The following ATP1A2 variants were observed in gnomAD, a reference collection of about 807,000 sequenced individuals.
ATP1A2 encodes the protein ATPase Na+/K+ transporting subunit alpha 2, also known as sodium/potassium-transporting ATPase subunit alpha-2.
Under a neutral mutation model 113.1 loss-of-function variants are expected in ATP1A2, and 56 were observed. That is an observed-to-expected ratio of 0.49 (90% CI 0.40 to 0.62). ATP1A2 has a LOEUF of 0.62. Among genes scored for constraint, ATP1A2 ranks in the 20% least tolerant of loss-of-function variants. The pLI is 0.00. For synonymous variants in ATP1A2, 490 were observed against 526.8 expected, an observed-to-expected ratio of 0.93 and a Z score of 0.96; for missense variants, 712 against 1,357.8, an observed-to-expected ratio of 0.52 and a Z score of 7.47.
At chr1:160,136,192 T>C in intron 17 of ATP1A2, 55 bp from the exon 18 acceptor site, 1 of 1,612,892 alleles carries the variant, frequency 6.2e-7, no homozygotes, top group East Asian at 2.2e-5. Context: ...ATTGCTTCTG[T>C]CATCTCCTAC....
intron 20 of ATP1A2, chr1:160,137,272 C>T: frequency 3.4e-6 from 2 of 584,378 alleles, no homozygotes; most frequent in Non-Finnish European, 5.9e-6. Context: ...CTCTCCCTCC[C>T]TTCTTTCCCC....
chr1:160,132,345 T>C (rs113627085), intron 13 of ATP1A2, among the ~76,000 whole-genome samples: 113 of 152,212 alleles, frequency 7.4e-4, no homozygotes, highest in African/African-American at 2.6e-3. Context: ...CAGAGAGCCA[T>C]CAGTGTCACG....
intron 19 of ATP1A2, 85 bp downstream of exon 19, chr1:160,136,800 C>G (rs1480661875): frequency 1.2e-6 from 2 of 1,613,834 alleles, no homozygotes; most frequent in Non-Finnish European, 8.5e-7. Context: ...TGGTGGCCAA[C>G]TGGGACTGGG....
At chr1:160,116,937 A>C (rs1651203728) in intron 1 of ATP1A2, among the ~76,000 whole-genome samples, 1 of 151,922 alleles carries the variant, frequency 6.6e-6, no homozygotes, top group Non-Finnish European at 1.5e-5. Context: ...GAGTGCATGC[A>C]TGTATCTGTG....
In ATP1A2 at chr1:160,139,688, C is replaced by G. The variant is rs150289737; in HGVS notation, c.2889C>G (p.Ala963=). The change falls in exon 21 of 23, where the codon GCC becomes GCG. Residue 963 remains alanine, a synonymous_variant. Transcript: ENST00000361216. ...FGLLEETALA[A]FLSYCPGMGV... ...TCCTGGAGGAGACGGCGTTGGCTGC[C>G]TTTCTCTCTTACTGCCCAGGCATGG... is the stretch of plus-strand genomic sequence containing the variant. 1 of 1,614,096 alleles carries G rather than the reference C, an allele frequency of 6.2e-7. No homozygotes were observed.
intron 4 of ATP1A2, 113 bp from the exon 5 acceptor site, chr1:160,123,826 CACAG>C: frequency 1.1e-6 from 1 of 929,694 alleles, no homozygotes; most frequent in Non-Finnish European, 1.7e-6. Context: ...CACTCTCAGT[CACAG>C]ACAAAGGTCT....
Position 160,129,491 on chromosome 1 carries a change from G to C in ATP1A2, c.1461+91G>C, listed in dbSNP as rs17846712. 56,086 of 1,577,888 alleles carry C rather than the reference G, an allele frequency of 0.036. 1,147 individuals are homozygous for C. Among genetic ancestry groups the C allele is most frequent in the Non-Finnish European group, 0.041 (47,352 of 1,161,256 alleles). On this transcript the variant is annotated intron_variant, in intron 11 of 22. Coordinates refer to ENST00000361216, the MANE Select transcript of ATP1A2 (RefSeq NM_000702.4). ...AAGGGGAATCATCACTAGCAGGAGT[G>C]GGGGTGTCTGAGGGTCATGTTCCCT...
At chr1:160,119,307 TACC>T (rs1651298910) in intron 1 of ATP1A2, among the ~76,000 whole-genome samples, 2 of 118,750 alleles carry the variant, frequency 1.7e-5, no homozygotes, top group Non-Finnish European at 3.3e-5. Flanking sequence ...CTGTGGACCC[TACC>T]CAGGTATCCA....
intron 1 of ATP1A2, among the ~76,000 whole-genome samples, chr1:160,118,995 G>C (rs910254669): frequency 2.6e-5 from 4 of 151,938 alleles, no homozygotes; most frequent in African/African-American, 9.7e-5. Context: ...CAAACCCATA[G>C]AATGTACACC....
In ATP1A2 at chr1:160,136,703, T is replaced by C; in HGVS notation, c.2697T>C (p.Tyr899=). ...DRTMNDLEDS[Y]GQEWTYEQRK... ...CCATGAATGATCTGGAGGACAGCTA[T>C]GGACAGGAGTGGGTGAGTGGTGCTG... Residue 899 remains tyrosine (Y), a synonymous_variant, in exon 19 of 23, where the codon TAT becomes TAC. Transcript: ENST00000361216. 1 of 1,614,190 alleles carries C rather than the reference T, an allele frequency of 6.2e-7. No individual in the cohort carries two copies. Among genetic ancestry groups the C allele is most frequent in the Non-Finnish European group, 8.5e-7 (1 of 1,180,032 alleles).
rs1028695720 is a variant in ATP1A2, at chr1:160,142,399, C to G, written c.*1077C>G. ...GAGTTCGCTGGCCATTGGCTAGAAT[C>G]AGGGTGGAGAAGTTCCCTGAACCTT... is the stretch of plus-strand genomic sequence containing the variant. On this transcript the variant is annotated 3_prime_UTR_variant, in exon 23 of 23. Transcript: ENST00000361216. 1 of 152,228 alleles carries G rather than the reference C, an allele frequency of 6.6e-6. No homozygotes were observed. Among genetic ancestry groups the G allele is most frequent in the African/African-American group, 2.4e-5 (1 of 41,436 alleles). The allele number at this position is 152,228 out of a possible 1,614,324, so 9.4% of individuals were successfully genotyped here.
intron 1 of ATP1A2, among the ~76,000 whole-genome samples, chr1:160,117,097 T>G (rs1651209434): frequency 6.6e-6 from 1 of 152,098 alleles, no homozygotes. Flanking sequence ...TGCACAAGCA[T>G]AAATGTCACT....
chr1:160,129,589 T>C (rs184169275), intron 11 of ATP1A2, among the ~76,000 whole-genome samples, 189 bp downstream of exon 11: 1 of 152,150 alleles, frequency 6.6e-6, no homozygotes, highest in East Asian at 1.9e-4. Flanking sequence ...CTCCCAAACC[T>C]TACTCCATCC....
chr1:160,128,545 A>C (rs1228054921), intron 8 of ATP1A2, 107 bp from the exon 9 acceptor site: 6 of 1,575,384 alleles, frequency 3.8e-6, no homozygotes, highest in Non-Finnish European at 5.2e-6. Context: ...CATTCAAGTT[A>C]GTGGAGTAGA....
rs1570994091 is a variant in ATP1A2, at chr1:160,135,364, A to G, written c.2115+69A>G. 6.2e-7 allele frequency: 1 copy of G among 1,614,188 alleles called. No individual in the cohort carries two copies. The stretch of plus-strand genomic sequence containing the variant: ...AGGCAGGGACAGGGCCAAGACAAGC[A>G]TGGAGTGAGAGGCGAGGAGCCAGGC... On this transcript the variant is annotated intron_variant, in intron 15 of 22. Coordinates refer to ENST00000361216, the MANE Select transcript of ATP1A2 (RefSeq NM_000702.4). This position sits in a 1 kb window ranked among gnomAD's most constrained non-coding sequence, Gnocchi z 6.3.
At chr1:160,120,428 G>C (rs1295077914) in intron 1 of ATP1A2, among the ~76,000 whole-genome samples, 1 of 151,954 alleles carries the variant, frequency 6.6e-6, no homozygotes, top group Admixed American at 6.6e-5. Flanking sequence ...CCAAGTTCCT[G>C]AGTATTTCTA....
chr1:160,129,029 T>A lies in ATP1A2; in HGVS notation c.1266T>A (p.Ile422=), dbSNP rs1651680887. 1 of 1,611,882 alleles carries A rather than the reference T, an allele frequency of 6.2e-7. No individual in the cohort carries two copies. The highest frequency in any genetic ancestry group is 1.7e-5 in the Admixed American group (1 of 59,766). Residue 422 remains isoleucine (I), a synonymous_variant, in exon 10 of 23, where the codon ATT becomes ATA. Transcript: ENST00000361216. ...CTACGTGGACGGCCCTGTCTCGAAT[T>A]GCTGGTCTCTGCAACCGCGCCGTCT... ...RSPTWTALSR[I]AGLCNRAVFK... is the part of the protein sequence containing the mutation.
intron 7 of ATP1A2, among the ~76,000 whole-genome samples, chr1:160,126,984 C>A (rs79630105): frequency 0.016 from 2,507 of 152,260 alleles, 67 homozygotes; most frequent in African/African-American, 0.057. Flanking sequence ...AATATTAAAA[C>A]AGCACCGAGA....
In ATP1A2 at chr1:160,130,593, T is replaced by A; in HGVS notation, c.1823T>A (p.Ile608Asn). The A allele has an allele frequency of 1.2e-6, 2 of 1,614,148 alleles. No individual in the cohort carries two copies. Among genetic ancestry groups the A allele is most frequent in the Non-Finnish European group, 1.7e-6 (2 of 1,180,016 alleles). The change falls in exon 13 of 23, where the codon ATC (isoleucine) becomes AAC (asparagine). Residue 608 changes from isoleucine to asparagine, a missense_variant. Physicochemically the swap from Ile to Asn is moderately radical, Grantham distance 149. Coordinates refer to ENST00000361216, the MANE Select transcript of ATP1A2 (RefSeq NM_000702.4). ...DAVGKCRSAG[I>N]KVIMVTGDHP... ...GTGGGCAAGTGCCGAAGCGCAGGCA[T>A]CAAGGTACTGGCCTCCCATCCTCCC...
Sources: allele counts gnomAD v4.1 joint callset (sites outside exome capture counted in the v4.1 genomes callset), GRCh38; gene constraint gnomAD v4.1.1; non-coding constraint Gnocchi (gnomAD v3.1); transcripts MANE v1.5; gene names NCBI Gene and HGNC (gene_info 2026-07-23, HGNC 2026-07-21).